Variants in APC observed in about 807,000 individuals in gnomAD.
The protein encoded by APC is adenomatous polyposis coli protein.
In APC, 72 loss-of-function variants were observed where a neutral mutation model predicts 247.0. That is an observed-to-expected ratio of 0.29 (90% CI 0.24 to 0.35). The LOEUF is 0.35. Ranked by LOEUF, APC falls within the 10% of genes least tolerant of loss-of-function variation. APC has a pLI of 1.00. For missense variants in APC, 3,400 were observed against 3,360.7 expected (o/e 1.01, Z -0.29); for synonymous variants, 1,254 against 1,162.5 (o/e 1.08, Z -1.60).
chr5:112,724,632 C>G (rs1025000116), intron 1 of APC, among the ~76,000 whole-genome samples: 4 of 152,096 alleles, frequency 2.6e-5, no homozygotes, highest in African/African-American at 9.7e-5. Context: ...AGATCTTACT[C>G]TGGAAGGAGG....
chr5:112,826,240 C>A (rs1763645487), intron 11 of APC, among the ~76,000 whole-genome samples: 1 of 152,124 alleles, frequency 6.6e-6, no homozygotes, highest in Non-Finnish European at 1.5e-5. Flanking sequence ...TCATCTTTTT[C>A]TTTCTGAGTC....
At chr5:112,717,908 C>CTTTTTCTTTTTTTTTTTTTTTTTTTTTT (rs1751264440) in intron 1 of APC, among the ~76,000 whole-genome samples, 1 of 40,634 alleles carries the variant, frequency 2.5e-5, no homozygotes, top group Non-Finnish European at 4.5e-5. Flanking sequence ...TTTTCTTTTT[C>CTTTTTCTTTTTTTTTTTTTTTTTTTTTT]TTTTTTTTTT....
At chr5:112,750,057 G>T (rs1554066270) in intron 1 of APC, among the ~76,000 whole-genome samples, 1 of 146,236 alleles carries the variant, frequency 6.8e-6, no homozygotes, top group African/African-American at 2.5e-5. Context: ...CCACCTCCCA[G>T]GTTCAAGCTA....
At chr5:112,832,477 T>A (rs956120673) in intron 14 of APC, among the ~76,000 whole-genome samples, 1 of 152,254 alleles carries the variant, frequency 6.6e-6, no homozygotes, top group South Asian at 2.1e-4. Context: ...TTTTGTTCAC[T>A]TAATTTCTTG....
At chr5:112,724,239 C>T (rs1341852913) in intron 1 of APC, among the ~76,000 whole-genome samples, 1 of 151,872 alleles carries the variant, frequency 6.6e-6, no homozygotes, top group Non-Finnish European at 1.5e-5. Context: ...TGGGACAGTG[C>T]TTGTATAGTT....
At chr5:112,765,394 A>G (rs1300498837) in intron 2 of APC, among the ~76,000 whole-genome samples, 1 of 152,200 alleles carries the variant, frequency 6.6e-6, no homozygotes, top group African/African-American at 2.4e-5. Flanking sequence ...GGTTACAGGC[A>G]TGAGCCACCA....
intron 4 of APC, among the ~76,000 whole-genome samples, 159 bp from the exon 5 acceptor site, chr5:112,775,470 C>T (rs551851692): frequency 2.0e-4 from 31 of 151,852 alleles, no homozygotes; most frequent in Non-Finnish European, 4.3e-4. Flanking sequence ...TATTCTAAGT[C>T]CTACCTTTAA....
Position 112,807,075 on chromosome 5 carries a change from G to A in APC, c.834+5692G>A, listed in dbSNP as rs193301675. The stretch of plus-strand genomic sequence containing the variant: ...TTGAACCTAGGAGGCTGAGGTTGCA[G>A]TGAGTTGAGATTGTACCACTGCACT... On this transcript the variant is annotated intron_variant, in intron 8 of 15. Coordinates refer to ENST00000257430, the MANE Select transcript of APC (RefSeq NM_000038.6). Among the ~76,000 whole-genome samples, 7 of 151,484 alleles carry A rather than the reference G, an allele frequency of 4.6e-5. No homozygotes were observed. The East Asian group carries it at 1.4e-3, about 29-fold the overall frequency.
Position 112,811,143 on chromosome 5 carries a change from A to G in APC, c.835-4352A>G, listed in dbSNP as rs538181942. ...GATATTTATAAAGCATTGAATGTGG[A>G]TGGTACAGGAAAGTTGGATAGGAAA... On this transcript the variant is annotated intron_variant, in intron 8 of 15. Coordinates refer to ENST00000257430, the MANE Select transcript of APC (RefSeq NM_000038.6). Among the ~76,000 whole-genome samples, 7 of 152,342 alleles carry G rather than the reference A, an allele frequency of 4.6e-5. No homozygotes were observed. The South Asian group carries it at 1.5e-3, about 32-fold the overall frequency.
At chr5:112,764,977 T>C (rs1254774674) in intron 2 of APC, among the ~76,000 whole-genome samples, 2 of 152,226 alleles carry the variant, frequency 1.3e-5, no homozygotes, top group Non-Finnish European at 2.9e-5. Context: ...ATTTTGAAAA[T>C]AATACAGTCA....
At chr5:112,768,323 G>A (rs560851977) in intron 4 of APC, among the ~76,000 whole-genome samples, 2 of 149,962 alleles carry the variant, frequency 1.3e-5, no homozygotes, top group East Asian at 1.9e-4. Context: ...GGGATTACAG[G>A]CATGAGGCAC....
intron 9 of APC, among the ~76,000 whole-genome samples, chr5:112,817,229 A>G (rs534293594): frequency 6.6e-6 from 1 of 152,280 alleles, no homozygotes; most frequent in South Asian, 2.1e-4. Context: ...TAAACGATGT[A>G]TTTTCGATTA....
chr5:112,746,865 CA>C (rs1426754154), intron 1 of APC, among the ~76,000 whole-genome samples: 6 of 152,176 alleles, frequency 3.9e-5, no homozygotes, highest in African/African-American at 1.4e-4. Flanking sequence ...TCATCACTTA[CA>C]GATTATATGA....
At chr5:112,813,048 T>G (rs1047390805) in intron 8 of APC, among the ~76,000 whole-genome samples, 1 of 152,196 alleles carries the variant, frequency 6.6e-6, no homozygotes, top group Non-Finnish European at 1.5e-5. Context: ...CTCTGGACTC[T>G]GAACTAGTAT....
intron 2 of APC, among the ~76,000 whole-genome samples, chr5:112,764,816 A>T (rs770424137): frequency 6.6e-6 from 1 of 152,242 alleles, no homozygotes; most frequent in Non-Finnish European, 1.5e-5. Context: ...TGGAAAAATC[A>T]CAGGTAGTCT....
intron 6 of APC, among the ~76,000 whole-genome samples, chr5:112,783,517 G>C (rs1190977505): frequency 1.3e-5 from 2 of 151,664 alleles, no homozygotes; most frequent in South Asian, 4.2e-4. Flanking sequence ...ACCATGCCAG[G>C]CATGGTGATT....
At chr5:112,820,803 CTA>C (rs1402529211) in intron 10 of APC, among the ~76,000 whole-genome samples, 4 of 152,118 alleles carry the variant, frequency 2.6e-5, no homozygotes, top group Non-Finnish European at 5.9e-5. Context: ...TGTTTACTGT[CTA>C]GTATATCTGT....
Position 112,840,735 on chromosome 5 carries a change from A to G in APC, c.5141A>G (p.Asp1714Gly), listed in dbSNP as rs1580656683. The G allele has an allele frequency of 1.9e-6, 3 of 1,614,016 alleles. No individual in the cohort carries two copies. The Admixed American group carries it at 5.0e-5, about 27-fold the overall frequency. ...KTSSVTIPELDDNKAEEGDIL... is the reference protein window; with the variant it reads ...KTSSVTIPELGDNKAEEGDIL... ...TCATCTGTAACCATACCTGAATTGG[A>G]TGACAATAAAGCAGAGGAAGGTGAT... is the stretch of plus-strand genomic sequence containing the variant. The change falls in exon 16 of 16, where the codon GAT becomes GGT. Residue 1714 changes from aspartate (D) to glycine (G), a missense_variant. Coordinates refer to ENST00000257430, the MANE Select transcript of APC (RefSeq NM_000038.6). This position sits in a 1 kb window ranked among gnomAD's most constrained non-coding sequence, Gnocchi z 4.1.
intron 8 of APC, among the ~76,000 whole-genome samples, chr5:112,811,039 A>AC (rs1491494969): frequency 1.3e-5 from 2 of 150,358 alleles, no homozygotes; most frequent in African/African-American, 5.0e-5. Context: ...ACACACACAC[A>AC]AAAAAAGAAC....
Sources: allele counts gnomAD v4.1 joint callset (sites outside exome capture counted in the v4.1 genomes callset), GRCh38; gene constraint gnomAD v4.1.1; non-coding constraint Gnocchi (gnomAD v3.1); transcripts MANE v1.5; gene names NCBI Gene and HGNC (gene_info 2026-07-23, HGNC 2026-07-21).